FMN1: variants seen among roughly 807,000 people sequenced by gnomAD.
The protein encoded by FMN1 is formin-1.
In FMN1, 110 loss-of-function variants were observed where a neutral mutation model predicts 132.4. The ratio of observed to expected loss-of-function variants is 0.83; its 90% CI spans 0.71 to 0.97. The LOEUF is 0.97. Among genes scored for constraint, FMN1 ranks in the 50% least tolerant of loss-of-function variants. The pLI is 0.00. For synonymous variants in FMN1, 722 were observed against 651.7 expected, an observed-to-expected ratio of 1.11 and a Z score of -1.64; for missense variants, 1,792 against 1,705.3, an observed-to-expected ratio of 1.05 and a Z score of -0.90.
chr15:32,843,135 GAAAA>G (rs5811712), intron 17 of FMN1, among the ~76,000 whole-genome samples: 1 of 143,790 alleles, frequency 7.0e-6, no homozygotes. Context: ...CTCAAAAAGA[GAAAA>G]AAAAAAAAAG....
Position 33,142,626 on chromosome 15 carries a change from C to T in FMN1, c.1867+10422G>A, listed in dbSNP as rs117820443. Among the ~76,000 whole-genome samples the T allele has an allele frequency of 3.6e-3, 548 of 152,296 alleles. 7 individuals are homozygous for T. The highest frequency in any genetic ancestry group is 0.022 in the Admixed American group (336 of 15,298). On this transcript the variant is annotated intron_variant, in intron 4 of 20. Transcript: ENST00000616417. ...ATATTAATAGCAGGAATTTTTTCAG[C>T]ATATTAATATAATGACTTACAGTGA...
chr15:33,029,431 T>C (rs151196635), intron 6 of FMN1, among the ~76,000 whole-genome samples: 36 of 151,894 alleles, frequency 2.4e-4, no homozygotes, highest in African/African-American at 8.7e-4. Flanking sequence ...GGAAAATACT[T>C]GAAATAGCAG....
intron 6 of FMN1, among the ~76,000 whole-genome samples, chr15:33,020,962 G>A (rs936192282): frequency 6.6e-6 from 1 of 152,170 alleles, no homozygotes. Context: ...TTGGGCAATG[G>A]AGAATACTTC....
intron 20 of FMN1, among the ~76,000 whole-genome samples, chr15:32,775,200 A>C (rs949023941): frequency 1.9e-4 from 29 of 152,188 alleles, no homozygotes; most frequent in African/African-American, 7.0e-4. Context: ...ATTGGCCTAG[A>C]TATAAACTTA....
intron 4 of FMN1, among the ~76,000 whole-genome samples, chr15:33,137,780 C>T (rs1053250931): frequency 6.6e-6 from 1 of 152,180 alleles, no homozygotes; most frequent in Non-Finnish European, 1.5e-5. Context: ...GAACCCACCA[C>T]CATACAGCTT....
chr15:32,971,176 C>T (rs1324748520), intron 7 of FMN1, among the ~76,000 whole-genome samples: 6 of 152,162 alleles, frequency 3.9e-5, no homozygotes, highest in Non-Finnish European at 8.8e-5. Context: ...AAATGAGATA[C>T]TTCATATAAA....
intron 5 of FMN1, among the ~76,000 whole-genome samples, chr15:33,075,245 GAT>G (rs2038163107): frequency 6.6e-6 from 1 of 152,022 alleles, no homozygotes; most frequent in Non-Finnish European, 1.5e-5. Flanking sequence ...CAGTAAGTAG[GAT>G]ATGTTTTCCC....
chr15:32,790,836 C>T (rs2057051611), intron 19 of FMN1, among the ~76,000 whole-genome samples: 1 of 152,164 alleles, frequency 6.6e-6, no homozygotes, highest in African/African-American at 2.4e-5. Flanking sequence ...AAAGAACAGG[C>T]TTGTGTCCTA....
chr15:33,005,401 C>G (rs1207376512), intron 7 of FMN1, among the ~76,000 whole-genome samples: 1 of 152,130 alleles, frequency 6.6e-6, no homozygotes, highest in Non-Finnish European at 1.5e-5. Flanking sequence ...TAGTTTGGAA[C>G]ATTTTTAATC....
intron 7 of FMN1, among the ~76,000 whole-genome samples, chr15:32,974,823 G>C (rs970102667): frequency 1.3e-5 from 2 of 152,198 alleles, no homozygotes; most frequent in African/African-American, 2.4e-5. Context: ...AATCTCCAAA[G>C]TAATGTGTTA....
At chr15:32,888,129 G>C (rs750297290) in intron 16 of FMN1, 43 bp downstream of exon 16, 12 of 1,527,370 alleles carry the variant, frequency 7.9e-6, no homozygotes, top group Non-Finnish European at 1.1e-5. Flanking sequence ...TTTTTTAAAA[G>C]TAATCTTAGC....
At chr15:33,029,958 C>T (rs1055715616) in intron 6 of FMN1, among the ~76,000 whole-genome samples, 4 of 152,162 alleles carry the variant, frequency 2.6e-5, no homozygotes, top group African/African-American at 4.8e-5. Context: ...GAGATCAAGA[C>T]CATCCTGGCT....
intron 4 of FMN1, among the ~76,000 whole-genome samples, chr15:33,122,595 C>G (rs752037136): frequency 6.6e-6 from 1 of 152,178 alleles, no homozygotes; most frequent in Non-Finnish European, 1.5e-5. Flanking sequence ...GTACCACTAG[C>G]TAATGCAGCA....
intron 4 of FMN1, among the ~76,000 whole-genome samples, chr15:33,146,876 T>G (rs8025277): frequency 0.041 from 6,277 of 152,036 alleles, 438 homozygotes; most frequent in African/African-American, 0.14. Context: ...TTTCTCAGGA[T>G]TCCCTAAGAA....
chr15:32,891,742 T>A (rs181323140), intron 15 of FMN1, among the ~76,000 whole-genome samples: 22 of 152,310 alleles, frequency 1.4e-4, no homozygotes, highest in Admixed American at 1.4e-3. Context: ...ATTTTGTAGT[T>A]TTCCTTGTGG....
chr15:32,952,164 A>G (rs1596333629), intron 9 of FMN1, among the ~76,000 whole-genome samples: 1 of 152,032 alleles, frequency 6.6e-6, no homozygotes, highest in Admixed American at 6.6e-5. Context: ...ATACCTCCAC[A>G]CCCCAAGAGT....
chr15:32,870,897 T>C (rs2059499420), intron 16 of FMN1, among the ~76,000 whole-genome samples: 1 of 152,190 alleles, frequency 6.6e-6, no homozygotes, highest in African/African-American at 2.4e-5. Context: ...TATGTATTCG[T>C]TGAAAAAGAA....
At chr15:32,988,583 A>G (rs1341913466) in intron 7 of FMN1, among the ~76,000 whole-genome samples, 1 of 152,206 alleles carries the variant, frequency 6.6e-6, no homozygotes, top group East Asian at 1.9e-4. Context: ...CATGGCATAA[A>G]TGATGGGGCA....
rs2034192309 is a variant in FMN1 at position 33,002,784 on chromosome 15, AAC to A, written c.2223+5228_2223+5229del. ...TATTTATTCCTAGTTCAATCTTTAAAACACTGTGTTTGCCAAATGAAACACTT... is the reference window on the plus strand; with the variant it reads ...TATTTATTCCTAGTTCAATCTTTAAAACTGTGTTTGCCAAATGAAACACTT... On this transcript the variant is annotated intron_variant, in intron 7 of 20. Transcript: ENST00000616417. Among the ~76,000 whole-genome samples the A allele has an allele frequency of 3.3e-5, 5 of 152,318 alleles. No homozygotes were observed. In the South Asian group the frequency reaches 1.0e-3, roughly 32 times the overall value.
Sources: gnomAD v4.1 joint callset for allele counts (sites outside exome capture counted in the v4.1 genomes callset) on GRCh38, gnomAD v4.1.1 for gene constraint, MANE v1.5 for transcripts, NCBI Gene and HGNC (gene_info 2026-07-23, HGNC 2026-07-21) for gene names.